Variants in PKHD1L1 observed in about 807,000 individuals in gnomAD.
The protein encoded by PKHD1L1 is fibrocystin-L.
Under a neutral mutation model 462.9 loss-of-function variants are expected in PKHD1L1, and 434 were observed. The observed-to-expected ratio is 0.94, with a 90% confidence interval of 0.87 to 1.02. The LOEUF is 1.02. Ranked by LOEUF, PKHD1L1 falls within the 50% of genes least tolerant of loss-of-function variation. PKHD1L1 has a pLI of 0.00. For missense variants in PKHD1L1, 5,202 were observed against 5,096.1 expected (o/e 1.02, Z -0.63); for synonymous variants, 1,781 against 1,750.0 (o/e 1.02, Z -0.44).
chr8:109,470,831 T>C, intron 50 of PKHD1L1: 1 of 1,505,260 alleles, frequency 6.6e-7, no homozygotes, highest in East Asian at 2.3e-5. Flanking sequence ...GAAAACACAC[T>C]AGTTACTTGG....
rs551946613 is a variant in PKHD1L1 at position 109,374,108 on chromosome 8, G to T, written c.164-7262G>T. The stretch of plus-strand genomic sequence containing the variant: ...GTCTAATGTTGACAGTGGGGTGTTA[G>T]ACTCCCATTATTATTGTGTGGGAGT... On this transcript the variant is annotated intron_variant, in intron 2 of 77. Coordinates refer to ENST00000378402, the MANE Select transcript of PKHD1L1 (RefSeq NM_177531.6). 3.9e-5 allele frequency among the ~76,000 whole-genome samples: 6 copies of T among 151,998 alleles called. No homozygotes were observed. In the South Asian group the frequency reaches 1.2e-3, roughly 32 times the overall value.
intron 70 of PKHD1L1, among the ~76,000 whole-genome samples, chr8:109,509,745 T>A (rs2130984984): frequency 6.6e-6 from 1 of 152,114 alleles, no homozygotes; most frequent in East Asian, 1.9e-4. Flanking sequence ...AAAGTAGGAT[T>A]TATATTTTGT....
rs1327978380 is a variant in PKHD1L1 at position 109,413,417 on chromosome 8, G to A, written c.2236-4G>A. The A allele has an allele frequency of 2.7e-6, 4 of 1,489,402 alleles. No homozygotes were observed. In the African/African-American group the frequency reaches 5.6e-5, roughly 21 times the overall value. 92.3% of individuals were successfully genotyped at this position (1,489,402 alleles called of 1,614,324 possible). On this transcript the variant is annotated splice_polypyrimidine_tract_variant and splice_region_variant and intron_variant, in intron 20 of 77. Transcript: ENST00000378402. ...TTACCAATGTTTTTCATATTTTTAT[G>A]TAGTTATGTTTAGCATACAAAGGAT...
chr8:109,424,450 C>G (rs1171362260), intron 23 of PKHD1L1, among the ~76,000 whole-genome samples: 3 of 152,046 alleles, frequency 2.0e-5, no homozygotes, highest in African/African-American at 7.2e-5. Flanking sequence ...ATTCTGTGGT[C>G]TAGAAGGCTT....
chr8:109,507,017 T>A (rs181881426), intron 68 of PKHD1L1, among the ~76,000 whole-genome samples: 1 of 152,256 alleles, frequency 6.6e-6, no homozygotes, highest in African/African-American at 2.4e-5. Context: ...TTATCTTACC[T>A]CTTACTTTTA....
At chr8:109,385,698 G>A in intron 6 of PKHD1L1, 68 bp downstream of exon 6, 2 of 1,015,632 alleles carry the variant, frequency 2.0e-6, no homozygotes, top group South Asian at 1.8e-5. Context: ...AAAAATAATG[G>A]GTCCAATGAT....
At chr8:109,436,754 CACAG>C (rs1815439988) in intron 30 of PKHD1L1, among the ~76,000 whole-genome samples, 1 of 152,016 alleles carries the variant, frequency 6.6e-6, no homozygotes, top group Non-Finnish European at 1.5e-5. Flanking sequence ...AAACATAAAA[CACAG>C]TGGAGAGAGG....
chr8:109,411,619 G>T (rs1458968044), intron 19 of PKHD1L1, among the ~76,000 whole-genome samples: 1 of 152,060 alleles, frequency 6.6e-6, no homozygotes, highest in African/African-American at 2.4e-5. Flanking sequence ...TAACCTTACA[G>T]TTTGCATTCC....
intron 49 of PKHD1L1, among the ~76,000 whole-genome samples, chr8:109,465,811 C>A (rs898229167): frequency 6.6e-6 from 1 of 152,076 alleles, no homozygotes; most frequent in Non-Finnish European, 1.5e-5. Flanking sequence ...ACCAAAAGAA[C>A]AAAATTCCAT....
At chr8:109,402,804 G>C (rs903783899) in intron 14 of PKHD1L1, among the ~76,000 whole-genome samples, 2 of 152,124 alleles carry the variant, frequency 1.3e-5, no homozygotes, top group African/African-American at 2.4e-5. Context: ...TGGACAAGGA[G>C]GGTTGGGATC....
At chr8:109,512,556 T>C (rs890732916) in intron 71 of PKHD1L1, among the ~76,000 whole-genome samples, 1 of 151,264 alleles carries the variant, frequency 6.6e-6, no homozygotes, top group Non-Finnish European at 1.5e-5. Flanking sequence ...TTGATCTATA[T>C]CTCTGTTTTG....
At position 109,523,315 on chromosome 8, in the gene PKHD1L1, T is replaced by A; in HGVS notation, c.12413T>A (p.Leu4138His). The A allele has an allele frequency of 1.9e-6, 3 of 1,612,920 alleles. No individual in the cohort carries two copies. Among genetic ancestry groups the A allele is most frequent in the Non-Finnish European group, 1.7e-6 (2 of 1,179,112 alleles). ...TCCAATAATAACCAAGTCAATGGCC[T>A]TAGTGGAAATACAACAATTCCGTTT... ...KDSNNNQVNG[L>H]SGNTTIPFSS... The change falls in exon 76 of 78, where the codon CTT becomes CAT. Residue 4138 changes from leucine to histidine, a missense_variant. Coordinates refer to ENST00000378402, the MANE Select transcript of PKHD1L1 (RefSeq NM_177531.6).
In PKHD1L1 at chr8:109,534,157, G is replaced by T. The variant is rs111265697; in HGVS notation, c.*4067G>T. On this transcript the variant is annotated 3_prime_UTR_variant, in exon 78 of 78. Transcript: ENST00000378402. ...GAGTTACTACTATACCCTCCCGAAT[G>T]GAAATGCTTCAACTTTAATCTGAGG... 7.5e-3 allele frequency among the ~76,000 whole-genome samples: 1,149 copies of T among 152,316 alleles called. 4 individuals carry two copies. The highest frequency in any genetic ancestry group is 0.014 in the Middle Eastern group (4 of 294).
intron 21 of PKHD1L1, among the ~76,000 whole-genome samples, chr8:109,416,746 G>C (rs1814194782): frequency 6.6e-6 from 1 of 152,132 alleles, no homozygotes; most frequent in South Asian, 2.1e-4. Context: ...GCCTCTGTTA[G>C]GTGGCAAGGA....
At position 109,409,992 on chromosome 8, in the gene PKHD1L1, A is replaced by T. The variant is rs1364949846; in HGVS notation, c.2085+14A>T. On this transcript the variant is annotated intron_variant, in intron 19 of 77. Coordinates refer to ENST00000378402, the MANE Select transcript of PKHD1L1 (RefSeq NM_177531.6). Reference sequence around the variant, plus strand: ...GATTTTAATCTGGTATGAAATATTTAATGAACTGTGAAACTGACCTAATAA... The same window carrying T: ...GATTTTAATCTGGTATGAAATATTTTATGAACTGTGAAACTGACCTAATAA... 1.4e-6 allele frequency: 2 copies of T among 1,380,610 alleles called. No individual in the cohort carries two copies. Among genetic ancestry groups the T allele is most frequent in the Non-Finnish European group, 2.0e-6 (2 of 997,440 alleles). The allele number at this position is 1,380,610 out of a possible 1,614,324, so 85.5% of individuals were successfully genotyped here. A position where few individuals can be genotyped will look rare whatever the true frequency, so the allele number is the denominator to read the frequency against.
chr8:109,466,854 T>C, intron 50 of PKHD1L1, 85 bp downstream of exon 50: 2 of 1,265,960 alleles, frequency 1.6e-6, no homozygotes, highest in Non-Finnish European at 2.2e-6. Flanking sequence ...TGTTACTTGG[T>C]TGTTCAAACA....
rs188299570 is a variant in PKHD1L1, at chr8:109,444,507, C to T, written c.4792-154C>T. Among the ~76,000 whole-genome samples the T allele has an allele frequency of 9.0e-4, 137 of 151,862 alleles. 2 individuals carry two copies. The highest frequency in any genetic ancestry group is 3.0e-3 in the African/African-American group (124 of 41,396). On this transcript the variant is annotated intron_variant, in intron 37 of 77. Transcript: ENST00000378402. ...AAATCATAATTTAATCCAAGAGATG[C>T]GTTAATCAGCCCCTCCCAAATTAAA...
chr8:109,374,371 C>G (rs1047154849), intron 2 of PKHD1L1, among the ~76,000 whole-genome samples: 1 of 152,150 alleles, frequency 6.6e-6, no homozygotes, highest in Non-Finnish European at 1.5e-5. Flanking sequence ...TCCTCCATCC[C>G]TTTATTTTGA....
At chr8:109,380,662 G>A (rs1812064280) in intron 2 of PKHD1L1, among the ~76,000 whole-genome samples, 1 of 152,192 alleles carries the variant, frequency 6.6e-6, no homozygotes. Context: ...GATTTGGAAA[G>A]ACATGCTATA....
Sources: gnomAD v4.1 joint callset for allele counts (sites outside exome capture counted in the v4.1 genomes callset) on GRCh38, gnomAD v4.1.1 for gene constraint, MANE v1.5 for transcripts, NCBI Gene and HGNC (gene_info 2026-07-23, HGNC 2026-07-21) for gene names.